Variants in SPTBN1 observed in about 807,000 individuals in gnomAD.
The protein encoded by SPTBN1 is spectrin beta, non-erythrocytic 1.
In SPTBN1, 32 loss-of-function variants were observed where a neutral mutation model predicts 266.4. The observed-to-expected ratio is 0.12, with a 90% CI of 0.09 to 0.16. SPTBN1 has a LOEUF of 0.16. Ranked by LOEUF, SPTBN1 falls within the 10% of genes least tolerant of loss-of-function variation. The probability of loss-of-function intolerance (pLI) is 1.00; values close to 1 mark genes in which losing one functional copy is unlikely to be tolerated. For synonymous variants in SPTBN1, 1,336 were observed against 1,162.2 expected (o/e 1.15, Z -3.04); for missense variants, 2,296 against 3,067.1 (o/e 0.75, Z 5.94).
chr2:54,565,410 G>T (rs556827321), intron 2 of SPTBN1, among the ~76,000 whole-genome samples: 45 of 152,296 alleles, frequency 3.0e-4, no homozygotes, highest in African/African-American at 1.1e-3. Context: ...TAGAGAAGCC[G>T]TTGAACATCT....
At chr2:54,474,214 G>C (rs1483685109) in intron 1 of SPTBN1, among the ~76,000 whole-genome samples, 1 of 152,204 alleles carries the variant, frequency 6.6e-6, no homozygotes, top group Non-Finnish European at 1.5e-5. Context: ...TGTCTGAATA[G>C]GCTTAGATAA....
chr2:54,570,896 T>C (rs1484416008), intron 2 of SPTBN1, among the ~76,000 whole-genome samples: 1 of 151,638 alleles, frequency 6.6e-6, no homozygotes, highest in Non-Finnish European at 1.5e-5. Flanking sequence ...TATAGATTGC[T>C]AGCTTGAGTG....
intron 2 of SPTBN1, among the ~76,000 whole-genome samples, chr2:54,593,987 C>A (rs895564223): frequency 6.6e-6 from 1 of 151,850 alleles, no homozygotes; most frequent in African/African-American, 2.4e-5. Context: ...TGCGTGCCAC[C>A]ATGCCCGGCT....
At chr2:54,565,637 C>T (rs1028160060) in intron 2 of SPTBN1, among the ~76,000 whole-genome samples, 9 of 152,154 alleles carry the variant, frequency 5.9e-5, no homozygotes, top group African/African-American at 2.2e-4. Flanking sequence ...TTGAATTTAA[C>T]CTTAAAAAAC....
chr2:54,569,479 A>G (rs1352880997), intron 2 of SPTBN1, among the ~76,000 whole-genome samples: 1 of 152,214 alleles, frequency 6.6e-6, no homozygotes, highest in Non-Finnish European at 1.5e-5. Flanking sequence ...TAACTTTCCA[A>G]TAGTTAATAT....
chr2:54,464,892 G>A (rs1693549407), intron 1 of SPTBN1, among the ~76,000 whole-genome samples: 2 of 151,844 alleles, frequency 1.3e-5, no homozygotes, highest in South Asian at 2.1e-4. Context: ...AGGTTTCACC[G>A]TGTTGCCCAG....
At chr2:54,482,200 TC>T (rs1668134480) in intron 1 of SPTBN1, among the ~76,000 whole-genome samples, 1 of 151,942 alleles carries the variant, frequency 6.6e-6, no homozygotes, top group Non-Finnish European at 1.5e-5. Context: ...CGCATTGGCA[TC>T]CCCTGAGGAG....
In SPTBN1 at chr2:54,668,448, G is replaced by A. The variant is rs757274643; in HGVS notation, c.6974G>A (p.Arg2325His). ...ACCCAGAGCACGCCAGCATCCAGCCGCGCGCAGACCCTCCCCACCAGCGTC... is the reference window on the plus strand; with the variant it reads ...ACCCAGAGCACGCCAGCATCCAGCCACGCGCAGACCCTCCCCACCAGCGTC... ...ASTQSTPASS[R>H]AQTLPTSVVT... Residue 2325 changes from arginine to histidine, a missense_variant, in exon 36 of 36, where the codon CGC (arginine) becomes CAC (histidine). Coordinates refer to ENST00000356805, the MANE Select transcript of SPTBN1 (RefSeq NM_003128.3). 1.7e-5 allele frequency: 27 copies of A among 1,614,036 alleles called. No individual in the cohort carries two copies. Among genetic ancestry groups the A allele is most frequent in the East Asian group, 4.5e-5 (2 of 44,898 alleles).
intron 32 of SPTBN1, chr2:54,660,350 G>A: frequency 2.5e-6 from 3 of 1,222,158 alleles, no homozygotes; most frequent in Non-Finnish European, 3.1e-6. Context: ...ATGAGTAATT[G>A]AAATGAAATT....
chr2:54,555,471 G>A (rs1573402139), intron 2 of SPTBN1, among the ~76,000 whole-genome samples: 1 of 152,152 alleles, frequency 6.6e-6, no homozygotes, highest in East Asian at 1.9e-4. Context: ...AAGTCCTTTG[G>A]ATTAATTTTT....
rs762976439 is a variant in SPTBN1 at position 54,465,814 on chromosome 2, A to T, written c.-48+9296A>T. On this transcript the variant is annotated intron_variant, in intron 1 of 35. Coordinates refer to ENST00000356805, the MANE Select transcript of SPTBN1 (RefSeq NM_003128.3). ...CCCATGAATGAGTCAAGTTGTCCTTAGCCAGTGGAGGAAATGTTTGGGAGG... is the reference window on the plus strand; with the variant it reads ...CCCATGAATGAGTCAAGTTGTCCTTTGCCAGTGGAGGAAATGTTTGGGAGG... Among the ~76,000 whole-genome samples the T allele has an allele frequency of 3.3e-5, 5 of 152,162 alleles. No homozygotes were observed. The Middle Eastern group carries it at 0.01, about 311-fold the overall frequency.
At chr2:54,567,936 T>C (rs1558849398) in intron 2 of SPTBN1, among the ~76,000 whole-genome samples, 1 of 152,082 alleles carries the variant, frequency 6.6e-6, no homozygotes, top group Non-Finnish European at 1.5e-5. Context: ...GAAAGTGAAA[T>C]AGGGGACTTA....
At chr2:54,494,715 C>T (rs879515623) in intron 1 of SPTBN1, among the ~76,000 whole-genome samples, 1 of 152,090 alleles carries the variant, frequency 6.6e-6, no homozygotes, top group Non-Finnish European at 1.5e-5. Context: ...CCATGGTCGT[C>T]TGGAGGTGGA....
rs1352808857 is a variant in SPTBN1 at position 54,664,434 on chromosome 2, G to A, written c.6421-19G>A. The stretch of plus-strand genomic sequence containing the variant: ...CATGGCTCACGGAGTTAGCTGAATG[G>A]CCTCTCCGCTGTCCCTAGATGGCAG... On this transcript the variant is annotated intron_variant, in intron 32 of 35. Transcript: ENST00000356805. The surrounding 1 kb of genome is among the most constrained non-coding windows in gnomAD (Gnocchi z 5.6). 6.2e-7 allele frequency: 1 copy of A among 1,603,010 alleles called. No individual in the cohort carries two copies. The highest frequency in any genetic ancestry group is 1.7e-5 in the Admixed American group (1 of 59,712).
intron 26 of SPTBN1, among the ~76,000 whole-genome samples, chr2:54,651,564 G>C (rs1680292870): frequency 6.6e-6 from 1 of 152,212 alleles, no homozygotes; most frequent in Admixed American, 6.5e-5. Context: ...CTGCACGGGA[G>C]CTGTGGGAAT....
intron 3 of SPTBN1, among the ~76,000 whole-genome samples, chr2:54,602,062 A>G (rs549233663): frequency 6.6e-6 from 1 of 152,310 alleles, no homozygotes; most frequent in East Asian, 1.9e-4. Flanking sequence ...GTATCAGCTC[A>G]TAGAGCAGTG....
chr2:54,658,283 C>T (rs564344720), intron 30 of SPTBN1, among the ~76,000 whole-genome samples: 6 of 152,288 alleles, frequency 3.9e-5, no homozygotes, highest in Admixed American at 1.3e-4. Context: ...CTTATAGTAG[C>T]TTCCTGCCTG....
In SPTBN1 at chr2:54,646,591, T is replaced by A; in HGVS notation, c.4866+116T>A. 2 of 1,216,872 alleles carry A rather than the reference T, an allele frequency of 1.6e-6. No individual in the cohort carries two copies. The highest frequency in any genetic ancestry group is 2.2e-6 in the Non-Finnish European group (2 of 919,428). The allele number at this position is 1,216,872 out of a possible 1,614,324, so 75.4% of individuals were successfully genotyped here. ...AACTTCCCTTGTAGCCTTTGAGTGT[T>A]AAGGGGACACCATGTGCATGAAGGT... On this transcript the variant is annotated intron_variant, in intron 23 of 35. Coordinates refer to ENST00000356805, the MANE Select transcript of SPTBN1 (RefSeq NM_003128.3). The surrounding 1 kb of genome is among the most constrained non-coding windows in gnomAD (Gnocchi z 4.4).
In SPTBN1 at chr2:54,564,468, A is replaced by G. The variant is rs371983483; in HGVS notation, c.149-34624A>G. Reference sequence around the variant, plus strand: ...TAAAGTGTCCCCATGCAGTTATCCCAGTCTCCCCACAGCAGGGCCCTGAGA... The same window carrying G: ...TAAAGTGTCCCCATGCAGTTATCCCGGTCTCCCCACAGCAGGGCCCTGAGA... On this transcript the variant is annotated intron_variant, in intron 2 of 35. Transcript: ENST00000356805. Among the ~76,000 whole-genome samples, 20 of 152,132 alleles carry G rather than the reference A, an allele frequency of 1.3e-4. 1 individual carries two copies. The highest frequency in any genetic ancestry group is 1.3e-3 in the Admixed American group (20 of 15,278).
Sources: allele counts gnomAD v4.1 joint callset (sites outside exome capture counted in the v4.1 genomes callset), GRCh38; gene constraint gnomAD v4.1.1; non-coding constraint Gnocchi (gnomAD v3.1); transcripts MANE v1.5; gene names NCBI Gene and HGNC (gene_info 2026-07-23, HGNC 2026-07-21).